CSMD1: variants seen among roughly 807,000 people sequenced by gnomAD.
CSMD1 encodes the protein CUB and Sushi multiple domains 1.
Under a neutral mutation model 417.5 loss-of-function variants are expected in CSMD1, and 213 were observed. The observed-to-expected ratio is 0.51, with a 90% CI of 0.46 to 0.57. The LOEUF (loss-of-function observed/expected upper bound fraction) is 0.57, where lower values mean the gene tolerates loss of function less well. Ranked by LOEUF, CSMD1 falls within the 20% of genes least tolerant of loss-of-function variation. The probability of loss-of-function intolerance (pLI) is 0.00; values close to 1 mark genes in which losing one functional copy is unlikely to be tolerated. For missense variants in CSMD1, 6,923 were observed against 4,529.7 expected (o/e 1.53, Z -15.17); for synonymous variants, 2,862 against 1,736.8 (o/e 1.65, Z -16.11).
chr8:4,703,031 T>G (rs1807684741), intron 1 of CSMD1, among the ~76,000 whole-genome samples: 1 of 152,234 alleles, frequency 6.6e-6, no homozygotes, highest in Non-Finnish European at 1.5e-5. Context: ...GCGATATTTT[T>G]ATTTATAATG....
chr8:4,315,152 C>T (rs577364042), intron 3 of CSMD1, among the ~76,000 whole-genome samples: 8 of 152,330 alleles, frequency 5.3e-5, no homozygotes, highest in Admixed American at 4.6e-4. Flanking sequence ...CCCTCATCCA[C>T]ACCTACCGGA....
intron 22 of CSMD1, among the ~76,000 whole-genome samples, chr8:3,347,390 C>G (rs761436703): frequency 2.0e-5 from 3 of 152,164 alleles, no homozygotes; most frequent in Non-Finnish European, 2.9e-5. Context: ...TCAATCAACG[C>G]AGGACCTGGG....
intron 26 of CSMD1, among the ~76,000 whole-genome samples, chr8:3,244,312 C>A (rs868539362): frequency 6.6e-6 from 1 of 152,102 alleles, no homozygotes; most frequent in African/African-American, 2.4e-5. Context: ...AGTCAGGCTG[C>A]GGCAATTTAG....
intron 2 of CSMD1, among the ~76,000 whole-genome samples, chr8:4,601,117 T>C (rs1026928999): frequency 6.6e-6 from 1 of 152,016 alleles, no homozygotes; most frequent in Non-Finnish European, 1.5e-5. Flanking sequence ...CCACCACGCC[T>C]GCTAATTTTG....
At chr8:3,597,789 G>A (rs1302766759) in intron 8 of CSMD1, among the ~76,000 whole-genome samples, 1 of 151,924 alleles carries the variant, frequency 6.6e-6, no homozygotes, top group Non-Finnish European at 1.5e-5. Context: ...TGAACAATGA[G>A]AATACACGGA....
chr8:4,939,612 G>A (rs1807847265), intron 1 of CSMD1, among the ~76,000 whole-genome samples: 1 of 150,258 alleles, frequency 6.7e-6, no homozygotes, highest in Non-Finnish European at 1.5e-5. Context: ...ATGAAGCCGA[G>A]AGTAGAACGG....
intron 5 of CSMD1, among the ~76,000 whole-genome samples, chr8:3,952,140 G>C (rs566184671): frequency 3.4e-4 from 52 of 152,250 alleles, no homozygotes; most frequent in African/African-American, 1.3e-3. Context: ...GGTTCACAAA[G>C]TATGGTCGCA....
At chr8:4,628,241 G>A (rs1411585058) in intron 2 of CSMD1, among the ~76,000 whole-genome samples, 1 of 150,984 alleles carries the variant, frequency 6.6e-6, no homozygotes, top group Non-Finnish European at 1.5e-5. Flanking sequence ...TATAAATGAA[G>A]GAAACTAATT....
At chr8:4,845,393 A>G (rs900998327) in intron 1 of CSMD1, among the ~76,000 whole-genome samples, 1 of 152,240 alleles carries the variant, frequency 6.6e-6, no homozygotes, top group Non-Finnish European at 1.5e-5. Flanking sequence ...GATCCTGTTT[A>G]CAAGTGATAT....
rs1016730214 is a variant in CSMD1, at chr8:3,194,151, C to G, written c.5195-4036G>C. 5.3e-5 allele frequency among the ~76,000 whole-genome samples: 8 copies of G among 152,124 alleles called. No homozygotes were observed. The East Asian group carries it at 1.4e-3, about 26-fold the overall frequency. On this transcript the variant is annotated intron_variant, in intron 33 of 69. Coordinates refer to ENST00000635120, the MANE Select transcript of CSMD1 (RefSeq NM_033225.6). The stretch of plus-strand genomic sequence containing the variant: ...CAAGCAAAATTTTACATTTATTCTT[C>G]TTTGCAAAGAATATGCTTTTTATAG...
chr8:4,548,390 A>G (rs539454898), intron 2 of CSMD1, among the ~76,000 whole-genome samples: 41 of 152,262 alleles, frequency 2.7e-4, no homozygotes, highest in African/African-American at 9.6e-4. Flanking sequence ...CATGTTGTAT[A>G]TTTAGACGCA....
intron 1 of CSMD1, among the ~76,000 whole-genome samples, chr8:4,972,027 T>A (rs1274050307): frequency 6.6e-6 from 1 of 152,046 alleles, no homozygotes; most frequent in African/African-American, 2.4e-5. Context: ...AAGAAAGTCT[T>A]AAAGAAGTTT....
At chr8:4,514,529 G>C (rs998325690) in intron 2 of CSMD1, among the ~76,000 whole-genome samples, 5 of 152,128 alleles carry the variant, frequency 3.3e-5, no homozygotes, top group African/African-American at 1.2e-4. Flanking sequence ...GTGAGTTAAA[G>C]AACTCAAAAC....
At chr8:4,132,787 C>G (rs1260245678) in intron 3 of CSMD1, among the ~76,000 whole-genome samples, 2 of 152,130 alleles carry the variant, frequency 1.3e-5, no homozygotes, top group South Asian at 2.1e-4. Context: ...AAGACACAAA[C>G]TGTGTGTGAA....
At chr8:4,965,892 G>C (rs1183137919) in intron 1 of CSMD1, among the ~76,000 whole-genome samples, 3 of 152,258 alleles carry the variant, frequency 2.0e-5, no homozygotes, top group Non-Finnish European at 4.4e-5. Flanking sequence ...TACATAAGTA[G>C]AGAAAGATAA....
At chr8:4,340,190 A>T (rs1008818756) in intron 3 of CSMD1, among the ~76,000 whole-genome samples, 7 of 152,130 alleles carry the variant, frequency 4.6e-5, no homozygotes, top group African/African-American at 1.7e-4. Context: ...GATCCAAAAA[A>T]CTAATGACAC....
At chr8:4,540,379 A>C (rs1354705459) in intron 2 of CSMD1, among the ~76,000 whole-genome samples, 1 of 152,146 alleles carries the variant, frequency 6.6e-6, no homozygotes, top group Non-Finnish European at 1.5e-5. Context: ...ATAAGCATGA[A>C]AATTAAAAAA....
At chr8:3,485,006 T>C (rs940000944) in intron 11 of CSMD1, among the ~76,000 whole-genome samples, 1 of 152,150 alleles carries the variant, frequency 6.6e-6, no homozygotes, top group Non-Finnish European at 1.5e-5. Context: ...GCTGAGCAGT[T>C]TCCTACAAAA....
chr8:4,171,151 C>A (rs530456646), intron 3 of CSMD1, among the ~76,000 whole-genome samples: 1 of 151,878 alleles, frequency 6.6e-6, no homozygotes, highest in Non-Finnish European at 1.5e-5. Context: ...CTGCTTAGTG[C>A]CCATGCTGTT....
Sources: allele counts gnomAD v4.1 joint callset (sites outside exome capture counted in the v4.1 genomes callset), GRCh38; gene constraint gnomAD v4.1.1; transcripts MANE v1.5; gene names NCBI Gene and HGNC (gene_info 2026-07-23, HGNC 2026-07-21).